The following CCDC30 variants were observed in gnomAD, a reference collection of about 807,000 sequenced individuals.
CCDC30 encodes the protein coiled-coil domain-containing protein 30.
In CCDC30, 70 loss-of-function variants were observed where a neutral mutation model predicts 100.2. The ratio of observed to expected loss-of-function variants is 0.70; its 90% CI spans 0.58 to 0.85. CCDC30 has a LOEUF of 0.85. CCDC30 is among the 40% of genes least tolerant of loss of function. The pLI is 0.00. For synonymous variants in CCDC30, 233 were observed against 269.5 expected (o/e 0.86, Z 1.33); for missense variants, 652 against 771.2 (o/e 0.85, Z 1.83).
intron 10 of CCDC30, among the ~76,000 whole-genome samples, chr1:42,610,614 G>A (rs572558315): frequency 9.2e-5 from 14 of 152,056 alleles, no homozygotes; most frequent in Non-Finnish European, 1.8e-4. Flanking sequence ...TTGTAGATAT[G>A]GGGTTTTACC....
intron 6 of CCDC30, among the ~76,000 whole-genome samples, chr1:42,550,104 A>AG (rs147664963): frequency 0.14 from 20,613 of 152,122 alleles, 1,526 homozygotes; most frequent in East Asian, 0.17. Flanking sequence ...CCATTCACAC[A>AG]TTGATCAAGC....
intron 6 of CCDC30, among the ~76,000 whole-genome samples, chr1:42,565,256 C>A (rs1217466901): frequency 6.6e-6 from 1 of 152,076 alleles, no homozygotes; most frequent in Non-Finnish European, 1.5e-5. Flanking sequence ...AGACAACCTA[C>A]AGAATGGGCA....
intron 4 of CCDC30, among the ~76,000 whole-genome samples, chr1:42,496,456 A>G: frequency 6.7e-6 from 1 of 149,094 alleles, no homozygotes; most frequent in Admixed American, 6.8e-5. Flanking sequence ...CTGTTTGTAT[A>G]TTACTATAAA....
intron 6 of CCDC30, among the ~76,000 whole-genome samples, chr1:42,501,623 A>G (rs1275281885): frequency 1.3e-5 from 2 of 152,114 alleles, no homozygotes; most frequent in Non-Finnish European, 2.9e-5. Context: ...TGATGTACAG[A>G]TGGGGTTTTG....
At chr1:42,576,990 G>A in intron 7 of CCDC30, 30 bp from the exon 12 acceptor site, 2 of 1,506,718 alleles carry the variant, frequency 1.3e-6, no homozygotes, top group South Asian at 1.1e-5. Flanking sequence ...ACACTTATTT[G>A]TATTACTCTT....
chr1:42,498,142 A>G (rs561671998), intron 5 of CCDC30, among the ~76,000 whole-genome samples: 2 of 152,346 alleles, frequency 1.3e-5, no homozygotes, highest in East Asian at 3.9e-4. Flanking sequence ...ATGAACATTG[A>G]AGACATTATT....
intron 6 of CCDC30, among the ~76,000 whole-genome samples, chr1:42,535,708 AT>A (rs1644887051): frequency 9.0e-6 from 1 of 110,848 alleles, no homozygotes; most frequent in South Asian, 2.5e-4. Context: ...ATATATATAT[AT>A]TATATATATA....
chr1:42,499,765 T>C (rs1430736082), intron 6 of CCDC30, among the ~76,000 whole-genome samples: 1 of 151,390 alleles, frequency 6.6e-6, no homozygotes, highest in Admixed American at 6.6e-5. Context: ...TGTGCCACTG[T>C]TTCTGGCTTG....
At chr1:42,605,925 T>C (rs1247869115) in intron 10 of CCDC30, among the ~76,000 whole-genome samples, 1 of 152,198 alleles carries the variant, frequency 6.6e-6, no homozygotes, top group Non-Finnish European at 1.5e-5. Flanking sequence ...GGTCCACTTG[T>C]ATGCAGATTC....
chr1:42,608,991 C>T (rs1646564000), intron 10 of CCDC30, among the ~76,000 whole-genome samples: 1 of 152,142 alleles, frequency 6.6e-6, no homozygotes, highest in Non-Finnish European at 1.5e-5. Context: ...GAAACTAACA[C>T]AAACAATGAA....
intron 12 of CCDC30, among the ~76,000 whole-genome samples, chr1:42,640,008 G>T (rs1478144396): frequency 2.0e-5 from 3 of 151,872 alleles, no homozygotes; most frequent in Non-Finnish European, 2.9e-5. Context: ...TTAATTGGTG[G>T]ATTCATTGTT....
At chr1:42,609,182 C>T (rs970010941) in intron 10 of CCDC30, among the ~76,000 whole-genome samples, 7 of 152,134 alleles carry the variant, frequency 4.6e-5, no homozygotes, top group Non-Finnish European at 8.8e-5. Flanking sequence ...CTCCTCTTCT[C>T]CTCCTCCTCA....
intron 6 of CCDC30, among the ~76,000 whole-genome samples, chr1:42,512,395 G>A (rs965246054): frequency 6.6e-6 from 1 of 151,756 alleles, no homozygotes; most frequent in African/African-American, 2.4e-5. Context: ...AGAGTGACCT[G>A]GAAATGCCAT....
chr1:42,516,514 C>G (rs1418365473), intron 6 of CCDC30, among the ~76,000 whole-genome samples: 2 of 143,298 alleles, frequency 1.4e-5, no homozygotes, highest in African/African-American at 5.2e-5. Context: ...TTGCAGTGAG[C>G]TGGGATTGCG....
intron 12 of CCDC30, 65 bp downstream of exon 16, chr1:42,637,443 C>A (rs1570321194): frequency 6.7e-7 from 1 of 1,485,354 alleles, no homozygotes; most frequent in East Asian, 2.3e-5. Context: ...TTGGAGAAAG[C>A]CTTTTCATTT....
intron 10 of CCDC30, among the ~76,000 whole-genome samples, chr1:42,607,224 G>A (rs1000327329): frequency 3.3e-5 from 5 of 152,102 alleles, no homozygotes; most frequent in Non-Finnish European, 7.4e-5. Flanking sequence ...TTGTACTCTG[G>A]CCTGGGCAAC....
intron 6 of CCDC30, among the ~76,000 whole-genome samples, chr1:42,519,351 A>G (rs1644601594): frequency 1.3e-5 from 2 of 152,214 alleles, no homozygotes; most frequent in Admixed American, 6.5e-5. Context: ...AACATTGGGA[A>G]AAAGGATATT....
At chr1:42,552,568 A>AC (rs1645274246) in intron 6 of CCDC30, among the ~76,000 whole-genome samples, 1 of 152,088 alleles carries the variant, frequency 6.6e-6, no homozygotes, top group South Asian at 2.1e-4. Flanking sequence ...TGGATTTTCC[A>AC]TTTTTTAAAT....
intron 10 of CCDC30, among the ~76,000 whole-genome samples, chr1:42,598,548 A>G (rs892024422): frequency 2.6e-5 from 4 of 152,310 alleles, no homozygotes; most frequent in Non-Finnish European, 5.9e-5. Flanking sequence ...TATTAAAATT[A>G]CAAAAGGCAG....
Sources: gnomAD v4.1 joint callset for allele counts (sites outside exome capture counted in the v4.1 genomes callset) on GRCh38, gnomAD v4.1.1 for gene constraint, MANE v1.5 for transcripts, NCBI Gene and HGNC (gene_info 2026-07-23, HGNC 2026-07-21) for gene names.